TSGA10: variants seen among roughly 807,000 people sequenced by gnomAD.
TSGA10 encodes testis specific 10, also known as testis-specific gene 10 protein.
Under a neutral mutation model 96.6 loss-of-function variants are expected in TSGA10, and 43 were observed. That is an observed-to-expected ratio of 0.44 (90% confidence interval 0.35 to 0.57). The LOEUF (loss-of-function observed/expected upper bound fraction) is 0.57. Among genes scored for constraint, TSGA10 ranks in the 20% least tolerant of loss-of-function variants. The pLI is 0.01. For missense variants in TSGA10, 703 were observed against 834.4 expected (o/e 0.84, Z 1.94); for synonymous variants, 229 against 269.9 (o/e 0.85, Z 1.48).
chr2:99,082,708 T>A (rs929803245), intron 10 of TSGA10, among the ~76,000 whole-genome samples: 4 of 151,974 alleles, frequency 2.6e-5, no homozygotes, highest in Admixed American at 2.0e-4. Flanking sequence ...TAAAAATACA[T>A]CAAGAAACAA....
chr2:99,068,363 G>T (rs2085510763), intron 15 of TSGA10, among the ~76,000 whole-genome samples: 1 of 152,110 alleles, frequency 6.6e-6, no homozygotes, highest in Non-Finnish European at 1.5e-5. Flanking sequence ...AAAATCCTCA[G>T]TAAAGCTGCC....
At chr2:99,055,295 C>T (rs1428900085) in intron 16 of TSGA10, among the ~76,000 whole-genome samples, 1 of 152,026 alleles carries the variant, frequency 6.6e-6, no homozygotes, top group Non-Finnish European at 1.5e-5. Flanking sequence ...TATGTGGAAT[C>T]TAAAAAAGTT....
At chr2:99,063,731 G>A (rs1573981638) in intron 16 of TSGA10, among the ~76,000 whole-genome samples, 1 of 149,884 alleles carries the variant, frequency 6.7e-6, no homozygotes, top group South Asian at 2.1e-4. Flanking sequence ...ACTTGAATCT[G>A]GAAAGCGGAG....
At chr2:99,122,393 C>G (rs994479106) in intron 2 of TSGA10, among the ~76,000 whole-genome samples, 1 of 151,904 alleles carries the variant, frequency 6.6e-6, no homozygotes, top group Non-Finnish European at 1.5e-5. Flanking sequence ...TGTTAGCTCC[C>G]TTTACTCTCC....
At chr2:99,066,469 C>T (rs115689256) in intron 15 of TSGA10, among the ~76,000 whole-genome samples, 2,037 of 152,280 alleles carry the variant, frequency 0.013, 19 homozygotes, top group Admixed American at 0.021. Context: ...TCACTTAAAA[C>T]TGCCTTACAG....
chr2:99,059,082 A>T (rs964027238), intron 16 of TSGA10, among the ~76,000 whole-genome samples: 22 of 54,180 alleles, frequency 4.1e-4, no homozygotes, highest in African/African-American at 9.9e-4. Flanking sequence ...ATATATTTTT[A>T]TATATATATA....
rs76060963 is a variant in TSGA10 at position 99,071,383 on chromosome 2, TA to T, written c.1107+322del. Among the ~76,000 whole-genome samples, 10 of 150,176 alleles carry T rather than the reference TA, an allele frequency of 6.7e-5. No homozygotes were observed. In the East Asian group the frequency reaches 7.8e-4, roughly 12 times the overall value. ...CAGAATAATATGTAGTCCATTTTTT[TA>T]AAAAAAAAACACCTATTCTTTTCTT... On this transcript the variant is annotated intron_variant, in intron 14 of 20. Coordinates refer to ENST00000393483, the MANE Select transcript of TSGA10 (RefSeq NM_025244.4).
In TSGA10 at chr2:99,035,343, T is replaced by C. The variant is rs766878104; in HGVS notation, c.1501A>G (p.Lys501Glu). The change falls in exon 17 of 21, where the codon AAA becomes GAA. Residue 501 changes from lysine to glutamate, a missense_variant. By Grantham distance (56) the Lys-to-Glu change is moderately conservative. Transcript: ENST00000393483. ...GACAAATCTGCAAGAGCGGACACTT[T>C]TTCAAACTGAACCTTCTGAAGCTCC... ...EEELQKVQFE[K>E]VSALADLSST... The C allele has an allele frequency of 5.6e-6, 9 of 1,613,446 alleles. No individual in the cohort carries two copies. In the South Asian group the frequency reaches 9.9e-5, roughly 18 times the overall value.
chr2:99,072,486 G>C (rs920630858), intron 13 of TSGA10, among the ~76,000 whole-genome samples: 3 of 151,962 alleles, frequency 2.0e-5, no homozygotes, highest in African/African-American at 7.3e-5. Flanking sequence ...TTTGTCCCTG[G>C]CCAGAAACTT....
chr2:99,112,815 C>T (rs889851968), intron 4 of TSGA10, among the ~76,000 whole-genome samples: 1 of 147,682 alleles, frequency 6.8e-6, no homozygotes, highest in African/African-American at 2.5e-5. Flanking sequence ...TATTTCAGAG[C>T]CCGCTGTGTG....
chr2:99,031,088 T>A (rs2081087572), intron 17 of TSGA10, among the ~76,000 whole-genome samples: 1 of 151,620 alleles, frequency 6.6e-6, no homozygotes, highest in African/African-American at 2.4e-5. Flanking sequence ...AAAGACTTAA[T>A]ATATAACTAC....
At chr2:99,036,145 T>G (rs1026983957) in intron 16 of TSGA10, among the ~76,000 whole-genome samples, 1 of 152,168 alleles carries the variant, frequency 6.6e-6, no homozygotes, top group Non-Finnish European at 1.5e-5. Flanking sequence ...TTTGCTATAA[T>G]GTGAAGACAA....
intron 1 of TSGA10, among the ~76,000 whole-genome samples, chr2:99,128,843 G>A (rs1489948489): frequency 6.6e-6 from 1 of 152,084 alleles, no homozygotes; most frequent in Non-Finnish European, 1.5e-5. Flanking sequence ...CGAACCCCAG[G>A]CCCAAGCAAT....
chr2:99,098,066 T>C (rs2090262583), intron 10 of TSGA10, among the ~76,000 whole-genome samples: 1 of 151,696 alleles, frequency 6.6e-6, no homozygotes, highest in Admixed American at 6.6e-5. Flanking sequence ...ATACAGAAAA[T>C]AGTAAATATC....
At chr2:99,143,402 A>G (rs6726618) in intron 1 of TSGA10, among the ~76,000 whole-genome samples, 89,137 of 148,998 alleles carry the variant, frequency 0.6, 27,273 homozygotes, top group East Asian at 0.88. Context: ...CTCATGATCC[A>G]CCCGCCTCAG....
chr2:99,104,723 C>T (rs943932868), intron 9 of TSGA10, among the ~76,000 whole-genome samples: 1 of 152,168 alleles, frequency 6.6e-6, no homozygotes, highest in African/African-American at 2.4e-5. Flanking sequence ...GATCCACCCG[C>T]CTTGGCCTCC....
intron 16 of TSGA10, among the ~76,000 whole-genome samples, chr2:99,037,973 T>C (rs1301779603): frequency 6.6e-6 from 1 of 151,728 alleles, no homozygotes. Context: ...GCAGAAACCA[T>C]ACAAGCTAGA....
In TSGA10 at chr2:99,109,581, C is replaced by T. The variant is rs117113288; in HGVS notation, c.-73-69G>A. 1.8e-5 allele frequency: 23 copies of T among 1,290,236 alleles called. No homozygotes were observed. The East Asian group carries it at 6.0e-4, about 34-fold the overall frequency. The allele number at this position is 1,290,236 out of a possible 1,614,324, so 79.9% of individuals were successfully genotyped here. A position where few individuals can be genotyped will look rare whatever the true frequency, so the allele number is the denominator to read the frequency against. ...TCTTGCCAAAGAGGAAAAAATTAGA[C>T]CATTATTTCAAGCTAAACTATAGCA... On this transcript the variant is annotated intron_variant, in intron 5 of 20. Transcript: ENST00000393483.
intron 12 of TSGA10, among the ~76,000 whole-genome samples, chr2:99,074,736 G>A (rs1041021180): frequency 1.3e-5 from 2 of 152,012 alleles, no homozygotes; most frequent in Non-Finnish European, 2.9e-5. Context: ...TGAGGCAGGC[G>A]GAACACGAGG....
Sources: gnomAD v4.1 joint callset for allele counts (sites outside exome capture counted in the v4.1 genomes callset) on GRCh38, gnomAD v4.1.1 for gene constraint, MANE v1.5 for transcripts, NCBI Gene and HGNC (gene_info 2026-07-23, HGNC 2026-07-21) for gene names.